The following TMEM196 variants were observed in gnomAD, a reference collection of about 807,000 sequenced individuals.
TMEM196 encodes transmembrane protein 196.
In TMEM196, 17 loss-of-function variants were observed where a neutral mutation model predicts 20.0. The observed-to-expected ratio is 0.85, with a 90% CI of 0.58 to 1.27. The LOEUF is 1.27. Ranked by LOEUF, TMEM196 falls within the 50% of genes most tolerant of loss-of-function variation. The probability of loss-of-function intolerance (pLI) is 0.00; values close to 1 mark genes in which losing one functional copy is unlikely to be tolerated. For missense variants in TMEM196, 267 were observed against 223.0 expected (o/e 1.20, Z -1.26); for synonymous variants, 113 against 88.9 (o/e 1.27, Z -1.52).
At position 19,772,605 on chromosome 7, in the gene TMEM196, A is replaced by T; in HGVS notation, c.92T>A (p.Val31Asp). Residue 31 changes from valine to aspartate, a missense_variant, in exon 1 of 5, where the codon GTC (valine) becomes GAC (aspartate). Transcript: ENST00000405844. ...CTCTCGGAGGGCCAGGCTGAAGCTGACCGCCCCCACGGCCACGCTGGACAC... is the reference window on the plus strand; with the variant it reads ...CTCTCGGAGGGCCAGGCTGAAGCTGTCCGCCCCCACGGCCACGCTGGACAC... Reference protein sequence around the residue: ...LGVSSVAVGAVSFSLALREHK... With the variant: ...LGVSSVAVGADSFSLALREHK... 6.5e-7 allele frequency: 1 copy of T among 1,546,456 alleles called. No individual in the cohort carries two copies. The highest frequency in any genetic ancestry group is 8.7e-7 in the Non-Finnish European group (1 of 1,145,626).
At chr7:19,735,177 C>T (rs1239397362) in intron 1 of TMEM196, among the ~76,000 whole-genome samples, 1 of 151,696 alleles carries the variant, frequency 6.6e-6, no homozygotes, top group Non-Finnish European at 1.5e-5. Flanking sequence ...AATTATAGAT[C>T]AGAAAACTAA....
rs916843019 is a variant in TMEM196, at chr7:19,724,324, CAAGTCGG to C, written c.482_488del (p.Thr161SerfsTer31). 6.5e-7 allele frequency: 1 copy of C among 1,550,158 alleles called. No homozygotes were observed. Among genetic ancestry groups the C allele is most frequent in the African/African-American group, 1.4e-5 (1 of 72,984 alleles). ...TCGGGGGCACCACCGGGCAGCTGGG[CAAGTCGG>C]TTATTTCAATAGCCCTCAATCTCTA... is the stretch of plus-strand genomic sequence containing the variant. On this transcript the variant is annotated frameshift_variant, in exon 4 of 5. Coordinates refer to ENST00000405844, the MANE Select transcript of TMEM196 (RefSeq NM_001363562.2). LOFTEE classifies it high-confidence loss of function.
intron 1 of TMEM196, among the ~76,000 whole-genome samples, chr7:19,746,447 T>A (rs1784752922): frequency 6.6e-6 from 1 of 152,238 alleles, no homozygotes. Flanking sequence ...GATGCTCAAT[T>A]TTCGAAGAAT....
chr7:19,748,346 G>A (rs1293802588), intron 1 of TMEM196, among the ~76,000 whole-genome samples: 1 of 141,546 alleles, frequency 7.1e-6, no homozygotes, highest in East Asian at 2.2e-4. Flanking sequence ...AGAATTAGAA[G>A]AGACATTATA....
chr7:19,745,962 T>G (rs1784736969), intron 1 of TMEM196, among the ~76,000 whole-genome samples: 2 of 152,134 alleles, frequency 1.3e-5, no homozygotes, highest in South Asian at 4.2e-4. Flanking sequence ...TTTAAAGTGC[T>G]AAGTCATAAA....
chr7:19,727,641 T>C (rs1300247440), intron 2 of TMEM196, among the ~76,000 whole-genome samples: 1 of 152,220 alleles, frequency 6.6e-6, no homozygotes, highest in Non-Finnish European at 1.5e-5. Flanking sequence ...TTTTGGTGTT[T>C]ACTCATTCTC....
chr7:19,723,853 A>T (rs1783894195), intron 4 of TMEM196, among the ~76,000 whole-genome samples: 1 of 152,212 alleles, frequency 6.6e-6, no homozygotes, highest in Admixed American at 6.6e-5. Flanking sequence ...CCAAAATTTT[A>T]CCGTATTAGT....
intron 1 of TMEM196, among the ~76,000 whole-genome samples, chr7:19,765,248 T>G (rs1450971021): frequency 6.6e-6 from 1 of 152,206 alleles, no homozygotes; most frequent in East Asian, 1.9e-4. Context: ...ATTTAACCAT[T>G]AATATTTTCT....
In TMEM196 at chr7:19,722,100, T is replaced by C. The variant is rs761542307; in HGVS notation, c.*28A>G. On this transcript the variant is annotated 3_prime_UTR_variant, in exon 5 of 5. Transcript: ENST00000405844. ...TTACACTCTTCCATTAAATATCAGC[T>C]GTGGTCCTCCATTGCTCATGTTGTC... 9 of 1,610,618 alleles carry C rather than the reference T, an allele frequency of 5.6e-6. No homozygotes were observed. The highest frequency in any genetic ancestry group is 6.8e-6 in the Non-Finnish European group (8 of 1,178,426).
intron 4 of TMEM196, among the ~76,000 whole-genome samples, chr7:19,722,773 C>T (rs1783855124): frequency 6.6e-6 from 1 of 151,960 alleles, no homozygotes; most frequent in Non-Finnish European, 1.5e-5. Flanking sequence ...AATATAGATG[C>T]AAAGGACAAA....
At chr7:19,722,444 A>T (rs1783845733) in intron 4 of TMEM196, among the ~76,000 whole-genome samples, 1 of 152,118 alleles carries the variant, frequency 6.6e-6, no homozygotes, top group East Asian at 1.9e-4. Flanking sequence ...CCTAGAAAGA[A>T]GAAGATGGTT....
At chr7:19,737,386 A>C (rs548527304) in intron 1 of TMEM196, among the ~76,000 whole-genome samples, 1 of 152,050 alleles carries the variant, frequency 6.6e-6, no homozygotes, top group South Asian at 2.1e-4. Context: ...TGGTGTAGCC[A>C]CTATGTAAAA....
intron 4 of TMEM196, among the ~76,000 whole-genome samples, chr7:19,723,415 T>A (rs1783879260): frequency 6.6e-6 from 1 of 152,180 alleles, no homozygotes; most frequent in South Asian, 2.1e-4. Context: ...TTAGAAATGA[T>A]AAAAAGTGAA....
At chr7:19,749,640 CTCTT>C (rs1403171183) in intron 1 of TMEM196, among the ~76,000 whole-genome samples, 117 of 152,262 alleles carry the variant, frequency 7.7e-4, no homozygotes, top group African/African-American at 2.6e-3. Context: ...TATCCATCAT[CTCTT>C]TCAATGCAAG....
At chr7:19,765,528 T>C (rs1785592383) in intron 1 of TMEM196, among the ~76,000 whole-genome samples, 1 of 152,184 alleles carries the variant, frequency 6.6e-6, no homozygotes, top group African/African-American at 2.4e-5. Flanking sequence ...TAATTTGTAC[T>C]TTCACTTTTC....
intron 1 of TMEM196, among the ~76,000 whole-genome samples, chr7:19,735,201 T>A (rs1021568788): frequency 6.6e-6 from 1 of 152,090 alleles, no homozygotes; most frequent in Non-Finnish European, 1.5e-5. Flanking sequence ...ACAAATTTTT[T>A]AAAAAAAGAT....
At chr7:19,736,942 G>C (rs1016991273) in intron 1 of TMEM196, among the ~76,000 whole-genome samples, 1 of 151,514 alleles carries the variant, frequency 6.6e-6, no homozygotes, top group South Asian at 2.1e-4. Context: ...CAAACTTTCT[G>C]TTTTCTTTTA....
rs564114395 is a variant in TMEM196 at position 19,750,752 on chromosome 7, C to A, written c.148-21314G>T. On this transcript the variant is annotated intron_variant, in intron 1 of 4. Coordinates refer to ENST00000405844, the MANE Select transcript of TMEM196 (RefSeq NM_001363562.2). ...TTACAGAACTCAATAAAAATAACAT[C>A]ATTCCTTCAGAAATAGAGTGAATCT... Among the ~76,000 whole-genome samples, 11 of 152,152 alleles carry A rather than the reference C, an allele frequency of 7.2e-5. No homozygotes were observed. The East Asian group carries it at 2.1e-3, about 29-fold the overall frequency.
intron 1 of TMEM196, among the ~76,000 whole-genome samples, chr7:19,770,977 A>G (rs1785850494): frequency 6.6e-6 from 1 of 152,010 alleles, no homozygotes; most frequent in South Asian, 2.1e-4. Flanking sequence ...GCTGTAGAGT[A>G]TTTAAGGCTT....
Sources: gnomAD v4.1 joint callset for allele counts (sites outside exome capture counted in the v4.1 genomes callset) on GRCh38, gnomAD v4.1.1 for gene constraint, MANE v1.5 for transcripts, NCBI Gene and HGNC (gene_info 2026-07-23, HGNC 2026-07-21) for gene names.